The following YWHAZ variants were observed in gnomAD, a reference collection of about 807,000 sequenced individuals.
YWHAZ encodes tyrosine 3-monooxygenase/tryptophan 5-monooxygenase activation protein zeta.
For synonymous variants in YWHAZ, 87 were observed against 103.6 expected (o/e 0.84, Z 0.97); for missense variants, 79 against 284.8 (o/e 0.28, Z 5.20).
intron 1 of YWHAZ, chr8:100,951,486 C>G: frequency 1.0e-6 from 1 of 985,338 alleles, no homozygotes; most frequent in Non-Finnish European, 1.2e-6. Flanking sequence ...CCGCCGCCGC[C>G]GCCGAGTCAT....
intron 2 of YWHAZ, among the ~76,000 whole-genome samples, chr8:100,926,198 ATTTTTTTTTTT>A (rs55947914): frequency 1.4e-5 from 2 of 142,042 alleles, no homozygotes; most frequent in South Asian, 2.3e-4. Flanking sequence ...TCTTCCCCCA[ATTTTTTTTTTT>A]TTTTTTTTTA....
upstream of YWHAZ, chr8:100,953,183 C>T (rs1382110758): frequency 6.1e-6 from 6 of 985,478 alleles, no homozygotes; most frequent in Non-Finnish European, 7.2e-6. Context: ...GGCGTGACCG[C>T]ACGGACCCGT....
intron 2 of YWHAZ, among the ~76,000 whole-genome samples, chr8:100,939,274 A>G (rs1814437563): frequency 1.3e-5 from 2 of 152,192 alleles, no homozygotes; most frequent in Admixed American, 1.3e-4. Context: ...GGAAGTGAGA[A>G]TAAAAACTGC....
intron 2 of YWHAZ, among the ~76,000 whole-genome samples, chr8:100,937,800 G>C (rs1317371467): frequency 6.6e-6 from 1 of 152,156 alleles, no homozygotes; most frequent in Non-Finnish European, 1.5e-5. Flanking sequence ...GCCCTCAAAA[G>C]TGATTCTCAG....
chr8:100,928,676 T>TC, intron 2 of YWHAZ, among the ~76,000 whole-genome samples: 1 of 151,130 alleles, frequency 6.6e-6, no homozygotes, highest in African/African-American at 2.4e-5. Flanking sequence ...GAGGTTGCAG[T>TC]GAGCTGAGAT....
At chr8:100,953,069 C>T (rs1320176255), upstream of YWHAZ, 3 of 996,586 alleles carry the variant, frequency 3.0e-6, no homozygotes, top group East Asian at 1.1e-4. Context: ...TGGAAGGAGG[C>T]GCGGCCGCTT....
chr8:100,925,450 T>C (rs1813294016), intron 2 of YWHAZ, among the ~76,000 whole-genome samples: 1 of 152,184 alleles, frequency 6.6e-6, no homozygotes, highest in Admixed American at 6.5e-5. Flanking sequence ...TTTGGGACTC[T>C]GGAGAAATGA....
intron 1 of YWHAZ, among the ~76,000 whole-genome samples, chr8:100,949,630 T>C (rs1351909402): frequency 1.3e-5 from 2 of 152,216 alleles, no homozygotes; most frequent in Non-Finnish European, 2.9e-5. Context: ...TCATGACACT[T>C]CAACTCTTAC....
rs973543061 is a variant in YWHAZ at position 100,948,120 on chromosome 8, CAG to C, written c.294+474_294+475del. 5.3e-5 allele frequency: 82 copies of C among 1,534,588 alleles called. No individual in the cohort carries two copies. The highest frequency in any genetic ancestry group is 1.7e-4 in the Middle Eastern group (1 of 6,008). The stretch of plus-strand genomic sequence containing the variant: ...GGAAGAGGTTTCATAGTTGTGACGC[CAG>C]AGTTTTCTGCATGGTTGACTCATTA... On this transcript the variant is annotated intron_variant, in intron 2 of 5. Transcript: ENST00000395958. This position sits in a 1 kb window ranked among gnomAD's most constrained non-coding sequence, Gnocchi z 4.2.
chr8:100,920,579 G>T lies in YWHAZ; in HGVS notation c.*114C>A, dbSNP rs1303702127. ...GGGAAATATAGAAATTCAAATAGAA[G>T]TAACATAAACCTGTCATAAATCGTA... On this transcript the variant is annotated 3_prime_UTR_variant, in exon 6 of 6. Coordinates refer to ENST00000395958, the MANE Select transcript of YWHAZ (RefSeq NM_145690.3). 31 of 983,736 alleles carry T rather than the reference G, an allele frequency of 3.2e-5. 1 individual carries two copies. The South Asian group carries it at 3.4e-4, about 11-fold the overall frequency. 60.9% of individuals were successfully genotyped at this position (983,736 alleles called of 1,614,324 possible). A position where few individuals can be genotyped will look rare whatever the true frequency, so the allele number is the denominator to read the frequency against.
chr8:100,924,325 G>A lies in YWHAZ; in HGVS notation c.419-27C>T, dbSNP rs760753836. 6.3e-7 allele frequency: 1 copy of A among 1,598,940 alleles called. No homozygotes were observed. Among genetic ancestry groups the A allele is most frequent in the South Asian group, 1.1e-5 (1 of 88,940 alleles). ...TGGATAAGACACACCAAAACGTACT[G>A]AGATAAAGTGTGCATTATATCTTCA... On this transcript the variant is annotated intron_variant, in intron 3 of 5. Transcript: ENST00000395958. The surrounding 1 kb of genome is among the most constrained non-coding windows in gnomAD (Gnocchi z 5.7).
chr8:100,948,565 T>C lies in YWHAZ; in HGVS notation c.294+31A>G. The C allele has an allele frequency of 6.2e-7, 1 of 1,603,554 alleles. No homozygotes were observed. Among genetic ancestry groups the C allele is most frequent in the Admixed American group, 1.7e-5 (1 of 59,126 alleles). On this transcript the variant is annotated intron_variant, in intron 2 of 5. Transcript: ENST00000395958. The surrounding 1 kb of genome is among the most constrained non-coding windows in gnomAD (Gnocchi z 4.2). ...ACTGATACTCATAGGGACCCTACAG[T>C]ATAATGAAGCCAGACTGAATTGATT...
chr8:100,921,376 A>C (rs766174046), intron 5 of YWHAZ, among the ~76,000 whole-genome samples: 1 of 152,172 alleles, frequency 6.6e-6, no homozygotes, highest in South Asian at 2.1e-4. Flanking sequence ...TCAGAACCTA[A>C]AGAGCCCCAA....
rs1003980113 is a variant in YWHAZ at position 100,916,605 on chromosome 8, C to G, written c.*4088G>C. 6.6e-6 allele frequency: 1 copy of G among 152,204 alleles called. No homozygotes were observed. Among genetic ancestry groups the G allele is most frequent in the East Asian group, 1.9e-4 (1 of 5,206 alleles). The allele number at this position is 152,204 out of a possible 1,614,324, so 9.4% of individuals were successfully genotyped here. A position where few individuals can be genotyped will look rare whatever the true frequency, so the allele number is the denominator to read the frequency against. On this transcript the variant is annotated 3_prime_UTR_variant, in exon 6 of 6. Transcript: ENST00000395958. ...GTTTTAAATTCTAAAATTCGGAATA[C>G]TAAGAAGTAATCAATTAAGACCAGT...
intron 2 of YWHAZ, among the ~76,000 whole-genome samples, chr8:100,944,136 T>C (rs1810093334): frequency 6.6e-6 from 1 of 151,808 alleles, no homozygotes; most frequent in South Asian, 2.1e-4. Context: ...TAAAATGAAA[T>C]AGTAACAATA....
At position 100,916,617 on chromosome 8, in the gene YWHAZ, CAATT is replaced by C. The variant is rs1437114716; in HGVS notation, c.*4072_*4075del. On this transcript the variant is annotated 3_prime_UTR_variant, in exon 6 of 6. Coordinates refer to ENST00000395958, the MANE Select transcript of YWHAZ (RefSeq NM_145690.3). Reference sequence around the variant, plus strand: ...AAAATTCGGAATACTAAGAAGTAATCAATTAAGACCAGTTAGGTTTGGACTTTCA... The same window carrying C: ...AAAATTCGGAATACTAAGAAGTAATCAAGACCAGTTAGGTTTGGACTTTCA... The C allele has an allele frequency of 1.3e-5, 2 of 152,224 alleles. No individual in the cohort carries two copies. The highest frequency in any genetic ancestry group is 1.5e-5 in the Non-Finnish European group (1 of 68,038). The allele number at this position is 152,224 out of a possible 1,614,324, so 9.4% of individuals were successfully genotyped here.
intron 2 of YWHAZ, among the ~76,000 whole-genome samples, chr8:100,935,638 T>C (rs1814093794): frequency 6.6e-6 from 1 of 152,208 alleles, no homozygotes; most frequent in Admixed American, 6.5e-5. Context: ...TCCAGGTTTC[T>C]ATGTAATGAA....
At chr8:100,939,721 G>A (rs866754508) in intron 2 of YWHAZ, among the ~76,000 whole-genome samples, 1 of 151,666 alleles carries the variant, frequency 6.6e-6, no homozygotes, top group Non-Finnish European at 1.5e-5. Flanking sequence ...TGTTCCTAAA[G>A]ATTAAAAGTG....
intron 1 of YWHAZ, chr8:100,950,690 C>A: frequency 1.3e-6 from 1 of 793,630 alleles, no homozygotes; most frequent in Non-Finnish European, 1.5e-6. Flanking sequence ...GCGAAGCCGC[C>A]CGACCCCGGG....
Sources: allele counts gnomAD v4.1 joint callset (sites outside exome capture counted in the v4.1 genomes callset), GRCh38; gene constraint gnomAD v4.1.1; non-coding constraint Gnocchi (gnomAD v3.1); transcripts MANE v1.5; gene names NCBI Gene and HGNC (gene_info 2026-07-23, HGNC 2026-07-21).